Variants in DNM1L observed in about 807,000 individuals in gnomAD.
The protein encoded by DNM1L is dynamin-1-like protein.
In DNM1L, 33 loss-of-function variants were observed where a neutral mutation model predicts 92.8. The observed-to-expected ratio is 0.36, with a 90% CI of 0.27 to 0.48. DNM1L has a LOEUF of 0.48. Ranked by LOEUF, DNM1L falls within the 20% of genes least tolerant of loss-of-function variation. The probability of loss-of-function intolerance (pLI) is 0.99; values close to 1 mark genes in which losing one functional copy is unlikely to be tolerated. For missense variants in DNM1L, 485 were observed against 888.8 expected, an observed-to-expected ratio of 0.55 and a Z score of 5.78; for synonymous variants, 284 against 305.0, an observed-to-expected ratio of 0.93 and a Z score of 0.72.
chr12:32,716,291 T>C lies in DNM1L; in HGVS notation c.620-2352T>C, dbSNP rs558458332. Among the ~76,000 whole-genome samples the C allele has an allele frequency of 4.0e-4, 61 of 152,114 alleles. 1 individual carries two copies. The highest frequency in any genetic ancestry group is 5.9e-4 in the Admixed American group (9 of 15,276). ...GTTGGTTGTGACATATCTCTTGGCA[T>C]TTGTCAAAACTCTTAGAACTGTACA... On this transcript the variant is annotated intron_variant, in intron 6 of 19. Transcript: ENST00000549701.
chr12:32,723,710 A>AC (rs1249263378), intron 9 of DNM1L, among the ~76,000 whole-genome samples: 1 of 151,798 alleles, frequency 6.6e-6, no homozygotes, highest in African/African-American at 2.4e-5. Context: ...AAAAAAAAAA[A>AC]AAAACAGGGA....
intron 5 of DNM1L, among the ~76,000 whole-genome samples, chr12:32,711,731 C>T (rs1592609968): frequency 6.6e-6 from 1 of 151,934 alleles, no homozygotes; most frequent in African/African-American, 2.4e-5. Flanking sequence ...CACGTCTCTA[C>T]AAAAAATACA....
chr12:32,726,730 G>T, intron 9 of DNM1L: 2 of 624,672 alleles, frequency 3.2e-6, no homozygotes, highest in East Asian at 2.7e-5. Context: ...TTCTGCTGCT[G>T]CTTAATGGTT....
At chr12:32,679,948 T>C (rs941710189) in intron 1 of DNM1L, 4 of 985,404 alleles carry the variant, frequency 4.1e-6, no homozygotes, top group African/African-American at 1.7e-5. Context: ...ACTGCGGAGT[T>C]AGTTTTGGAA....
At chr12:32,708,063 A>C (rs927589351) in intron 3 of DNM1L, 90 bp from the exon 4 acceptor site, 15 of 686,660 alleles carry the variant, frequency 2.2e-5, no homozygotes, top group Non-Finnish European at 3.7e-5. Flanking sequence ...AAATACATAG[A>C]CATCCTTGAA....
intron 13 of DNM1L, 170 bp from the exon 14 acceptor site, chr12:32,736,935 G>A (rs1293538993): frequency 3.9e-5 from 26 of 668,990 alleles, no homozygotes; most frequent in Non-Finnish European, 6.0e-5. Flanking sequence ...GAAGCTTTGG[G>A]TTAAATGATT....
In DNM1L at chr12:32,683,531, GATTTT is replaced by G. The variant is rs201584447; in HGVS notation, c.102+4080_102+4084del. ...CTGCACCTAGCCTAAAAATAATTTG[GATTTT>G]ATTTTATTTTATTATTTATTTTTTT... On this transcript the variant is annotated intron_variant, in intron 1 of 19. Transcript: ENST00000549701. Among the ~76,000 whole-genome samples, 1,386 of 150,146 alleles carry G rather than the reference GATTTT, an allele frequency of 9.2e-3. 15 individuals are homozygous for G. Among genetic ancestry groups the G allele is most frequent in the African/African-American group, 0.032 (1,310 of 40,814 alleles).
At chr12:32,713,762 G>A (rs778737347) in intron 6 of DNM1L, among the ~76,000 whole-genome samples, 6 of 152,120 alleles carry the variant, frequency 3.9e-5, no homozygotes, top group African/African-American at 1.2e-4. Context: ...GGAGCATTGC[G>A]TGAGGCCAGG....
intron 18 of DNM1L, 129 bp from the exon 19 acceptor site, chr12:32,742,460 A>AT: frequency 8.6e-7 from 1 of 1,169,476 alleles, no homozygotes; most frequent in Non-Finnish European, 1.2e-6. Context: ...AAGGGCGATT[A>AT]TGCCATTAAT....
rs1953204934 is a variant in DNM1L, at chr12:32,713,120, A to C, written c.457-89A>C. ...TTTTATTTTAACTATTTTTAAATGG[A>C]TATACCTATATTCTATCGATTAAAT... On this transcript the variant is annotated intron_variant, in intron 5 of 19. Coordinates refer to ENST00000549701, the MANE Select transcript of DNM1L (RefSeq NM_012062.5). 3 of 1,273,630 alleles carry C rather than the reference A, an allele frequency of 2.4e-6. No individual in the cohort carries two copies. The South Asian group carries it at 3.9e-5, about 16-fold the overall frequency. The allele number at this position is 1,273,630 out of a possible 1,614,324, so 78.9% of individuals were successfully genotyped here. A position where few individuals can be genotyped will look rare whatever the true frequency, so the allele number is the denominator to read the frequency against.
At chr12:32,681,502 G>T (rs887259477) in intron 1 of DNM1L, among the ~76,000 whole-genome samples, 14 of 151,862 alleles carry the variant, frequency 9.2e-5, no homozygotes, top group Non-Finnish European at 2.1e-4. Flanking sequence ...GGTGCGTGCA[G>T]GAGTGCATGT....
rs1448506404 is a variant in DNM1L, at chr12:32,743,670, TAACTTAA to T, written c.*263_*269del. On this transcript the variant is annotated 3_prime_UTR_variant, in exon 20 of 20. Coordinates refer to ENST00000549701, the MANE Select transcript of DNM1L (RefSeq NM_012062.5). ...GTCTTGTGACAGTTTCATCTGAACT[TAACTTAA>T]AAACAACTGTTAATGTTCTAGTTGT... 1 of 479,806 alleles carries T rather than the reference TAACTTAA, an allele frequency of 2.1e-6. No homozygotes were observed. The highest frequency in any genetic ancestry group is 3.7e-6 in the Non-Finnish European group (1 of 268,456). The allele number at this position is 479,806 out of a possible 1,614,324, so 29.7% of individuals were successfully genotyped here.
chr12:32,692,268 T>C (rs1269023242), intron 1 of DNM1L, among the ~76,000 whole-genome samples: 1 of 152,196 alleles, frequency 6.6e-6, no homozygotes, highest in East Asian at 1.9e-4. Context: ...CAGGAAGTCC[T>C]GCTGGGATCT....
chr12:32,704,961 A>G (rs1024912745), intron 2 of DNM1L, among the ~76,000 whole-genome samples: 2 of 140,396 alleles, frequency 1.4e-5, no homozygotes, highest in African/African-American at 2.7e-5. Context: ...CAGGCAATTT[A>G]TCTTTTCCTG....
intron 9 of DNM1L, among the ~76,000 whole-genome samples, chr12:32,723,496 C>T (rs1592636831): frequency 6.6e-6 from 1 of 151,870 alleles, no homozygotes; most frequent in East Asian, 1.9e-4. Context: ...CAGTTCAAGA[C>T]CAGCCTGGCT....
chr12:32,708,256 G>A, intron 4 of DNM1L, 32 bp downstream of exon 4: 4 of 1,324,348 alleles, frequency 3.0e-6, no homozygotes, highest in Non-Finnish European at 4.4e-6. Flanking sequence ...GAAGGCATAA[G>A]CATCAGTAAA....
At chr12:32,710,780 G>C (rs1033106935) in intron 4 of DNM1L, 149 bp from the exon 5 acceptor site, 4 of 629,702 alleles carry the variant, frequency 6.4e-6, no homozygotes, top group Non-Finnish European at 1.1e-5. Flanking sequence ...GACTTCCCAT[G>C]TGTTTCATCA....
chr12:32,686,422 A>G (rs1374849339), intron 1 of DNM1L, among the ~76,000 whole-genome samples: 1 of 143,992 alleles, frequency 6.9e-6, no homozygotes, highest in Non-Finnish European at 1.5e-5. Context: ...TCTAGGTCCA[A>G]AACAATTTCA....
intron 2 of DNM1L, among the ~76,000 whole-genome samples, chr12:32,702,050 A>G (rs1264874406): frequency 1.3e-5 from 2 of 151,054 alleles, no homozygotes. Context: ...CCTGGCCAAT[A>G]TGGTGAAACC....
Sources: gnomAD v4.1 joint callset for allele counts (sites outside exome capture counted in the v4.1 genomes callset) on GRCh38, gnomAD v4.1.1 for gene constraint, MANE v1.5 for transcripts, NCBI Gene and HGNC (gene_info 2026-07-23, HGNC 2026-07-21) for gene names.